NRXN3: variants seen among roughly 807,000 people sequenced by gnomAD.
NRXN3 encodes neurexin 3.
Under a neutral mutation model 137.6 loss-of-function variants are expected in NRXN3, and 32 were observed. The observed-to-expected ratio is 0.23, with a 90% CI of 0.18 to 0.31. The LOEUF (loss-of-function observed/expected upper bound fraction) is 0.31. Ranked by LOEUF, NRXN3 falls within the 10% of genes least tolerant of loss-of-function variation. NRXN3 has a pLI of 1.00. For synonymous variants in NRXN3, 798 were observed against 784.5 expected (o/e 1.02, Z -0.29); for missense variants, 1,574 against 2,062.5 (o/e 0.76, Z 4.59).
At chr14:79,749,077 G>A (rs1301109113) in intron 19 of NRXN3, among the ~76,000 whole-genome samples, 2 of 152,022 alleles carry the variant, frequency 1.3e-5, no homozygotes, top group Non-Finnish European at 2.9e-5. Flanking sequence ...CTTTTCTCTT[G>A]ATCTAATTGA....
At chr14:79,615,322 A>C (rs148586167) in intron 16 of NRXN3, among the ~76,000 whole-genome samples, 35 of 152,344 alleles carry the variant, frequency 2.3e-4, no homozygotes, top group African/African-American at 8.4e-4. Context: ...GGAGAAGAGT[A>C]CTGAGATATT....
chr14:78,184,628 A>G (rs898092796), intron 1 of NRXN3, among the ~76,000 whole-genome samples: 3 of 152,250 alleles, frequency 2.0e-5, no homozygotes, highest in African/African-American at 7.2e-5. Context: ...TGAGAGGTTT[A>G]GAGAGGGAAG....
chr14:78,632,666 G>A (rs1157376274), intron 4 of NRXN3, among the ~76,000 whole-genome samples: 1 of 152,174 alleles, frequency 6.6e-6, no homozygotes, highest in Non-Finnish European at 1.5e-5. Flanking sequence ...GGGCTTTTGT[G>A]AGGGATAAAT....
At chr14:79,733,146 A>C (rs1341588095) in intron 19 of NRXN3, among the ~76,000 whole-genome samples, 1 of 152,168 alleles carries the variant, frequency 6.6e-6, no homozygotes, top group African/African-American at 2.4e-5. Context: ...GTGGGGGTGA[A>C]GGGAAGATGG....
chr14:78,173,102 T>C (rs2153320097), intron 1 of NRXN3, among the ~76,000 whole-genome samples: 1 of 152,062 alleles, frequency 6.6e-6, no homozygotes, highest in African/African-American at 2.4e-5. Context: ...TCTTTTCTTT[T>C]GGGTGGTAGG....
intron 15 of NRXN3, among the ~76,000 whole-genome samples, chr14:79,102,139 G>A (rs929878082): frequency 3.3e-5 from 5 of 152,088 alleles, no homozygotes; most frequent in Non-Finnish European, 7.4e-5. Context: ...AATTTCTGTT[G>A]TTTTAAACCA....
chr14:78,256,723 C>T (rs999035828), intron 2 of NRXN3, among the ~76,000 whole-genome samples: 5 of 152,180 alleles, frequency 3.3e-5, no homozygotes, highest in Non-Finnish European at 7.3e-5. Flanking sequence ...ATGCAACACA[C>T]GTAAGTTAAC....
Position 78,786,731 on chromosome 14 carries a change from T to TTA in NRXN3, c.2045-16882_2045-16881dup, listed in dbSNP as rs1595856822. Among the ~76,000 whole-genome samples, 3 of 152,286 alleles carry TTA rather than the reference T, an allele frequency of 2.0e-5. No individual in the cohort carries two copies. The East Asian group carries it at 5.8e-4, about 29-fold the overall frequency. ...GGTGACTCAATAGATTTTATGTGTT[T>TTA]TATATATACTTATGTATATGTACAC... On this transcript the variant is annotated intron_variant, in intron 8 of 20. Coordinates refer to ENST00000335750, the MANE Select transcript of NRXN3 (RefSeq NM_001330195.2).
chr14:78,665,484 C>A (rs762148825), intron 6 of NRXN3, among the ~76,000 whole-genome samples: 3 of 152,130 alleles, frequency 2.0e-5, no homozygotes, highest in Non-Finnish European at 4.4e-5. Context: ...TCAATTACCT[C>A]CCACCGGGTT....
intron 15 of NRXN3, among the ~76,000 whole-genome samples, chr14:79,254,132 GC>G (rs1202630011): frequency 6.6e-6 from 1 of 152,022 alleles, no homozygotes; most frequent in South Asian, 2.1e-4. Context: ...AAAAATATGT[GC>G]CCCCATAACA....
At chr14:78,482,511 C>T (rs1448055421) in intron 4 of NRXN3, among the ~76,000 whole-genome samples, 9 of 152,156 alleles carry the variant, frequency 5.9e-5, no homozygotes, top group Non-Finnish European at 1.0e-4. Context: ...GCAGTCAGGA[C>T]GTAGCGGTGC....
At chr14:78,589,676 G>T (rs1164159194) in intron 4 of NRXN3, among the ~76,000 whole-genome samples, 1 of 152,172 alleles carries the variant, frequency 6.6e-6, no homozygotes, top group Admixed American at 6.5e-5. Context: ...TGGGGGAAGG[G>T]AAAGTTCTTA....
chr14:78,304,078 A>C (rs1371617964), intron 4 of NRXN3, among the ~76,000 whole-genome samples: 1 of 152,124 alleles, frequency 6.6e-6, no homozygotes, highest in Non-Finnish European at 1.5e-5. Flanking sequence ...TAGTAATGAA[A>C]TCTCTCTACT....
chr14:78,943,999 A>T (rs1017721278), intron 10 of NRXN3, among the ~76,000 whole-genome samples: 4 of 152,012 alleles, frequency 2.6e-5, no homozygotes, highest in African/African-American at 9.7e-5. Flanking sequence ...TGAGAGAGAC[A>T]TTCCAGAGTT....
At chr14:78,487,491 C>G (rs2095581750) in intron 4 of NRXN3, among the ~76,000 whole-genome samples, 1 of 152,120 alleles carries the variant, frequency 6.6e-6, no homozygotes, top group Non-Finnish European at 1.5e-5. Context: ...ACCTGTAATC[C>G]CAACACTTTG....
At chr14:78,472,054 GC>G (rs2095285353) in intron 4 of NRXN3, among the ~76,000 whole-genome samples, 1 of 152,220 alleles carries the variant, frequency 6.6e-6, no homozygotes, top group Non-Finnish European at 1.5e-5. Flanking sequence ...AGAATTCTGT[GC>G]TTTGTAGGAA....
Position 78,447,452 on chromosome 14 carries a change from C to T in NRXN3, c.757+149592C>T, listed in dbSNP as rs530336398. On this transcript the variant is annotated intron_variant, in intron 4 of 20. Transcript: ENST00000335750. The stretch of plus-strand genomic sequence containing the variant: ...ATGCACTGGAGGAAGAAAGAAATAA[C>T]TTTTTTAATATGTTGTTTGCAAGTG... Among the ~76,000 whole-genome samples the T allele has an allele frequency of 3.9e-5, 6 of 152,214 alleles. No individual in the cohort carries two copies. In the East Asian group the frequency reaches 1.2e-3, roughly 29 times the overall value.
chr14:78,900,144 G>A (rs1004802775), intron 10 of NRXN3, among the ~76,000 whole-genome samples: 1 of 151,850 alleles, frequency 6.6e-6, no homozygotes, highest in African/African-American at 2.4e-5. Context: ...TCCATTTTTA[G>A]TTCTACAAAT....
At chr14:79,547,105 G>T (rs1179884430) in intron 16 of NRXN3, among the ~76,000 whole-genome samples, 1 of 152,124 alleles carries the variant, frequency 6.6e-6, no homozygotes, top group Non-Finnish European at 1.5e-5. Flanking sequence ...CCTGTGCATG[G>T]CTATAAAAAA....
Sources: allele counts gnomAD v4.1 joint callset (sites outside exome capture counted in the v4.1 genomes callset), GRCh38; gene constraint gnomAD v4.1.1; transcripts MANE v1.5; gene names NCBI Gene and HGNC (gene_info 2026-07-23, HGNC 2026-07-21).